RGS4: variants seen among roughly 807,000 people sequenced by gnomAD.
RGS4 encodes schizophrenia disorder 9.
In RGS4, 15 loss-of-function variants were observed where a neutral mutation model predicts 21.6. That is an observed-to-expected ratio of 0.69 (90% confidence interval 0.46 to 1.07). The LOEUF is 1.07. RGS4 is among the 50% of genes least tolerant of loss of function. The pLI is 0.00. For missense variants in RGS4, 237 were observed against 239.0 expected, an observed-to-expected ratio of 0.99 and a Z score of 0.06; for synonymous variants, 94 against 85.5, an observed-to-expected ratio of 1.10 and a Z score of -0.55.
At chr1:163,068,883 C>G (rs1282062171), upstream of RGS4, 10 of 1,259,142 alleles carry the variant, frequency 7.9e-6, no homozygotes, top group Non-Finnish European at 1.0e-5. Flanking sequence ...TGCGTGGAGA[C>G]GATGATCCTG....
At chr1:163,070,536 T>C (rs1421240230) in intron 1 of RGS4, 2 of 152,150 alleles carry the variant, frequency 1.3e-5, no homozygotes, top group African/African-American at 4.8e-5. Context: ...AGTATGGAAG[T>C]ATCGATGGCT....
Position 163,074,532 on chromosome 1 carries a change from G to C in RGS4, c.590G>C (p.Cys197Ser). ...KQKGAKSSAD[C>S]ASLVPQCA The stretch of plus-strand genomic sequence containing the variant: ...AAAGGAGCCAAGAGTTCAGCAGACT[G>C]TGCTTCCCTGGTCCCTCAGTGTGCC... The change falls in exon 5 of 5, where the codon TGT becomes TCT. Residue 197 changes from cysteine to serine, a missense_variant. Transcript: ENST00000367909. The C allele has an allele frequency of 6.2e-7, 1 of 1,613,922 alleles. No individual in the cohort carries two copies. The highest frequency in any genetic ancestry group is 1.1e-5 in the South Asian group (1 of 91,090).
chr1:163,072,340 T>C, intron 1 of RGS4, 55 bp from the exon 2 acceptor site: 1 of 1,316,490 alleles, frequency 7.6e-7, no homozygotes, highest in Non-Finnish European at 1.1e-6. Flanking sequence ...CCATTAGGTA[T>C]CTTTTAAAGA....
At chr1:163,071,420 A>T (rs980552262) in intron 1 of RGS4, among the ~76,000 whole-genome samples, 3 of 152,128 alleles carry the variant, frequency 2.0e-5, no homozygotes, top group Non-Finnish European at 4.4e-5. Flanking sequence ...CATTTCTTTT[A>T]AAATGGTATT....
At position 163,074,371 on chromosome 1, in the gene RGS4, G is replaced by A; in HGVS notation, c.429G>A (p.Glu143=). The A allele has an allele frequency of 6.2e-7, 1 of 1,613,884 alleles. No homozygotes were observed. The highest frequency in any genetic ancestry group is 2.2e-5 in the East Asian group (1 of 44,872). Residue 143 remains glutamate (E), a synonymous_variant, in exon 5 of 5, where the codon GAG becomes GAA. Coordinates refer to ENST00000367909, the MANE Select transcript of RGS4 (RefSeq NM_005613.6). ...AAGAGACAAGCCGGAACATGCTAGA[G>A]CCTACAATAACCTGCTTTGATGAGG... ...TREETSRNML[E]PTITCFDEAQ... is the part of the protein sequence containing the mutation.
Position 163,073,616 on chromosome 1 carries a change from C to A in RGS4, c.372C>A (p.Thr124=), listed in dbSNP as rs759459890. The A allele has an allele frequency of 1.9e-6, 3 of 1,585,774 alleles. No homozygotes were observed. The highest frequency in any genetic ancestry group is 1.7e-6 in the Non-Finnish European group (2 of 1,171,776). ...ATGAATTCATCTCAGTCCAGGCAACCAAAGAGGTAGGTTTTTTATGGATAC... is the reference window on the plus strand; with the variant it reads ...ATGAATTCATCTCAGTCCAGGCAACAAAAGAGGTAGGTTTTTTATGGATAC... ...IYNEFISVQA[T]KEVNLDSCTR... Residue 124 remains threonine, a synonymous_variant, in exon 4 of 5, where the codon ACC becomes ACA. Coordinates refer to ENST00000367909, the MANE Select transcript of RGS4 (RefSeq NM_005613.6).
intron 1 of RGS4, chr1:163,071,939 A>C: frequency 1.0e-6 from 1 of 972,850 alleles, no homozygotes; most frequent in Non-Finnish European, 1.2e-6. Context: ...TCCCTCTGCC[A>C]GCAGGGGAAC....
At chr1:163,071,681 A>C (rs1189738468) in intron 1 of RGS4, among the ~76,000 whole-genome samples, 1 of 151,946 alleles carries the variant, frequency 6.6e-6, no homozygotes, top group Non-Finnish European at 1.5e-5. Flanking sequence ...TATGTCCTTT[A>C]AAGTAGCTAT....
intron 1 of RGS4, 191 bp from the exon 2 acceptor site, chr1:163,072,204 A>G (rs1467253938): frequency 2.0e-6 from 2 of 978,592 alleles, no homozygotes; most frequent in African/African-American, 1.8e-5. Flanking sequence ...GACTGCCTCA[A>G]GGTTTTGTAG....
Position 163,070,063 on chromosome 1 carries a change from T to C in RGS4, c.44+535T>C, listed in dbSNP as rs114678896. ...AAATGTTACAATGAGATATGAGTTT[T>C]AAAGCCAGATCTTCCTTATCTCTCT... is the stretch of plus-strand genomic sequence containing the variant. On this transcript the variant is annotated intron_variant, in intron 1 of 4. Transcript: ENST00000367909. Among the ~76,000 whole-genome samples, 1,445 of 152,306 alleles carry C rather than the reference T, an allele frequency of 9.5e-3. 22 individuals are homozygous for C. Among genetic ancestry groups the C allele is most frequent in the African/African-American group, 0.033 (1,371 of 41,560 alleles).
chr1:163,074,160 A>G lies in RGS4; in HGVS notation c.379-161A>G, dbSNP rs1655419509. 28 of 795,096 alleles carry G rather than the reference A, an allele frequency of 3.5e-5. 1 individual carries two copies. The South Asian group carries it at 4.6e-4, about 13-fold the overall frequency. 49.3% of individuals were successfully genotyped at this position (795,096 alleles called of 1,614,324 possible). A position where few individuals can be genotyped will look rare whatever the true frequency, so the allele number is the denominator to read the frequency against. ...CAGAAAGGTTCATTCTGAACCTTTCATACTCTCTCACATGTGCCAAGGAGG... is the reference window on the plus strand; with the variant it reads ...CAGAAAGGTTCATTCTGAACCTTTCGTACTCTCTCACATGTGCCAAGGAGG... On this transcript the variant is annotated intron_variant, in intron 4 of 4. Transcript: ENST00000367909.
chr1:163,069,050 T>A (rs529683512), upstream of RGS4: 9 of 1,543,404 alleles, frequency 5.8e-6, no homozygotes, highest in South Asian at 6.1e-5. Flanking sequence ...TCCTTGATAT[T>A]TTTTTTTTAC....
Position 163,074,346 on chromosome 1 carries a change from A to T in RGS4, c.404A>T (p.Glu135Val), listed in dbSNP as rs774412904. Residue 135 changes from glutamate (E) to valine (V), a missense_variant, in exon 5 of 5, where the codon GAA (glutamate) becomes GTA (valine). Glu to Val is a moderately radical substitution (Grantham distance 121). Coordinates refer to ENST00000367909, the MANE Select transcript of RGS4 (RefSeq NM_005613.6). ...GTGAACCTGGATTCTTGCACCAGGG[A>T]AGAGACAAGCCGGAACATGCTAGAG... ...KEVNLDSCTREETSRNMLEPT... is the reference protein window; with the variant it reads ...KEVNLDSCTRVETSRNMLEPT... The T allele has an allele frequency of 1.4e-5, 23 of 1,613,724 alleles. No homozygotes were observed. The highest frequency in any genetic ancestry group is 1.9e-5 in the Non-Finnish European group (23 of 1,179,796).
In RGS4 at chr1:163,075,779, C is replaced by CCAG. The variant is rs1208706595; in HGVS notation, c.*1226_*1228dup. 1 of 152,034 alleles carries CCAG rather than the reference C, an allele frequency of 6.6e-6. No homozygotes were observed. The highest frequency in any genetic ancestry group is 1.5e-5 in the Non-Finnish European group (1 of 68,004). 9.4% of individuals were successfully genotyped at this position (152,034 alleles called of 1,614,324 possible). On this transcript the variant is annotated 3_prime_UTR_variant, in exon 5 of 5. Coordinates refer to ENST00000367909, the MANE Select transcript of RGS4 (RefSeq NM_005613.6). ...TGGGCTATATGCCTATATTTATAAA[C>CCAG]CAGCAGCAGGGGAAAGATTATATTT...
At chr1:163,071,433 T>A (rs960827403) in intron 1 of RGS4, among the ~76,000 whole-genome samples, 1 of 152,164 alleles carries the variant, frequency 6.6e-6, no homozygotes, top group African/African-American at 2.4e-5. Context: ...ATGGTATTTC[T>A]CTTTTTAAAC....
At chr1:163,069,323 A>G (rs1655223544), upstream of RGS4, 1 of 1,551,626 alleles carries the variant, frequency 6.4e-7, no homozygotes, top group Non-Finnish European at 8.7e-7. Context: ...GGACGGTCGT[A>G]GCTGGGCTAT....
rs561286971 is a variant in RGS4, at chr1:163,074,854, G to C, written c.*294G>C. On this transcript the variant is annotated 3_prime_UTR_variant, in exon 5 of 5. Coordinates refer to ENST00000367909, the MANE Select transcript of RGS4 (RefSeq NM_005613.6). ...TAGGTCTGGATTTTCAAAGATTGTT[G>C]GCAGTTTCCTCCTCCCAACAGTTTT... 6.7e-6 allele frequency: 4 copies of C among 600,082 alleles called. No homozygotes were observed. The highest frequency in any genetic ancestry group is 1.2e-5 in the Non-Finnish European group (4 of 338,284). 37.2% of individuals were successfully genotyped at this position (600,082 alleles called of 1,614,324 possible).
chr1:163,071,960 A>T, intron 1 of RGS4: 1 of 984,258 alleles, frequency 1.0e-6, no homozygotes, highest in Non-Finnish European at 1.2e-6. Context: ...AGATGGAAAT[A>T]GCAATCACCT....
At chr1:163,073,994 T>C (rs1219825320) in intron 4 of RGS4, 4 of 389,280 alleles carry the variant, frequency 1.0e-5, no homozygotes, top group Non-Finnish European at 1.8e-5. Flanking sequence ...TATCATAATC[T>C]TGACAACCCC....
Sources: gnomAD v4.1 joint callset for allele counts (sites outside exome capture counted in the v4.1 genomes callset) on GRCh38, gnomAD v4.1.1 for gene constraint, MANE v1.5 for transcripts, NCBI Gene and HGNC (gene_info 2026-07-23, HGNC 2026-07-21) for gene names.